USH2A: variants seen among roughly 807,000 people sequenced by gnomAD.
The protein encoded by USH2A is usherin.
Under a neutral mutation model 538.9 loss-of-function variants are expected in USH2A, and 443 were observed. The observed-to-expected ratio is 0.82, with a 90% confidence interval of 0.76 to 0.89. The LOEUF is 0.89. USH2A is among the 40% of genes least tolerant of loss of function. USH2A has a pLI of 0.00. For missense variants in USH2A, 6,633 were observed against 6,324.8 expected, an observed-to-expected ratio of 1.05 and a Z score of -1.65; for synonymous variants, 2,413 against 2,273.5, an observed-to-expected ratio of 1.06 and a Z score of -1.75.
intron 2 of USH2A, among the ~76,000 whole-genome samples, chr1:216,421,487 C>A (rs1571804666): frequency 6.6e-6 from 1 of 152,068 alleles, no homozygotes; most frequent in African/African-American, 2.4e-5. Context: ...TATATAAACC[C>A]AGTTCAAGAT....
At chr1:216,066,096 G>T (rs2031352317) in intron 30 of USH2A, among the ~76,000 whole-genome samples, 2 of 151,880 alleles carry the variant, frequency 1.3e-5, no homozygotes, top group Non-Finnish European at 1.5e-5. Flanking sequence ...CTTGGTGTTG[G>T]CTAGATAAAA....
intron 30 of USH2A, among the ~76,000 whole-genome samples, chr1:216,061,856 A>G (rs563262721): frequency 2.0e-5 from 3 of 152,186 alleles, no homozygotes; most frequent in African/African-American, 7.2e-5. Flanking sequence ...CAGCACTCCT[A>G]CTCTACCAAA....
chr1:216,407,560 A>G (rs1487409917), intron 3 of USH2A, among the ~76,000 whole-genome samples: 1 of 152,162 alleles, frequency 6.6e-6, no homozygotes, highest in Non-Finnish European at 1.5e-5. Context: ...GGAAACAGTA[A>G]GGAAAAATAA....
At chr1:216,145,319 G>A (rs2033674897) in intron 21 of USH2A, among the ~76,000 whole-genome samples, 1 of 152,198 alleles carries the variant, frequency 6.6e-6, no homozygotes, top group African/African-American at 2.4e-5. Context: ...AAGGTACAAA[G>A]GAGGTAGCCA....
At chr1:216,019,608 A>T (rs1369183414) in intron 32 of USH2A, among the ~76,000 whole-genome samples, 1 of 152,186 alleles carries the variant, frequency 6.6e-6, no homozygotes. Context: ...TCTCTACTGT[A>T]TGTCTATTTA....
At chr1:216,006,005 T>A (rs1668382512) in intron 32 of USH2A, among the ~76,000 whole-genome samples, 1 of 152,102 alleles carries the variant, frequency 6.6e-6, no homozygotes, top group African/African-American at 2.4e-5. Flanking sequence ...CCCCATCACA[T>A]CTCCGGTCAC....
intron 11 of USH2A, among the ~76,000 whole-genome samples, chr1:216,270,165 A>G (rs2036548636): frequency 6.6e-6 from 1 of 152,060 alleles, no homozygotes; most frequent in Admixed American, 6.6e-5. Context: ...CTTTCTATGC[A>G]CTCATCTGTC....
intron 3 of USH2A, among the ~76,000 whole-genome samples, chr1:216,416,669 C>A (rs933927584): frequency 1.9e-4 from 29 of 152,232 alleles, no homozygotes; most frequent in African/African-American, 7.0e-4. Flanking sequence ...TCAGTAGGCA[C>A]TCTAAGAGCA....
intron 51 of USH2A, among the ~76,000 whole-genome samples, chr1:215,789,802 C>T (rs1268073745): frequency 2.0e-5 from 3 of 152,086 alleles, no homozygotes; most frequent in Admixed American, 6.6e-5. Context: ...CAGTGGCACA[C>T]AGACTTTCAG....
intron 58 of USH2A, among the ~76,000 whole-genome samples, chr1:215,749,504 CACTATCATAATTTCCAGG>C (rs1466649485): frequency 6.6e-6 from 1 of 152,196 alleles, no homozygotes; most frequent in Non-Finnish European, 1.5e-5. Flanking sequence ...GGGCCCCCTC[CACTATCATAATTTCCAGG>C]ACTGTGACAC....
chr1:216,394,758 G>A (rs1374694664), intron 3 of USH2A, among the ~76,000 whole-genome samples: 2 of 115,212 alleles, frequency 1.7e-5, no homozygotes, highest in East Asian at 2.9e-4. Flanking sequence ...TCGCTCTGTC[G>A]CCCAGGCTGG....
intron 30 of USH2A, among the ~76,000 whole-genome samples, chr1:216,063,755 T>C (rs1447693159): frequency 2.0e-5 from 3 of 152,192 alleles, no homozygotes; most frequent in African/African-American, 4.8e-5. Context: ...CTTAATGTCA[T>C]TGGAATTTTT....
At position 215,908,791 on chromosome 1, in the gene USH2A, T is replaced by A. The variant is rs115116671; in HGVS notation, c.7301-7886A>T. Among the ~76,000 whole-genome samples, 1,371 of 151,880 alleles carry A rather than the reference T, an allele frequency of 9.0e-3. 16 individuals carry two copies. Among genetic ancestry groups the A allele is most frequent in the African/African-American group, 0.031 (1,300 of 41,496 alleles). ...AAAGCTGACATTGATGGATACAGAATGATGCATCTTTAGGGACACTTTTTA... is the reference window on the plus strand; with the variant it reads ...AAAGCTGACATTGATGGATACAGAAAGATGCATCTTTAGGGACACTTTTTA... On this transcript the variant is annotated intron_variant, in intron 38 of 71. Transcript: ENST00000307340.
rs6665759 is a variant in USH2A at position 215,978,900 on chromosome 1, A to G, written c.6806-8124T>C. ...AAAATGACATTTGCCACTGCCTAGA[A>G]GTAAGAAAGTGCAAGGTTCAGTAAA... On this transcript the variant is annotated intron_variant, in intron 35 of 71. Coordinates refer to ENST00000307340, the MANE Select transcript of USH2A (RefSeq NM_206933.4). Among the ~76,000 whole-genome samples, 357 of 152,334 alleles carry G rather than the reference A, an allele frequency of 2.3e-3. 4 individuals are homozygous for G. The highest frequency in any genetic ancestry group is 8.1e-3 in the African/African-American group (337 of 41,578).
At position 216,418,614 on chromosome 1, in the gene USH2A, G is replaced by T. The variant is rs2102783958; in HGVS notation, c.551C>A (p.Thr184Asn). The change falls in exon 3 of 72, where the codon ACC (threonine) becomes AAC (asparagine). Residue 184 changes from threonine to asparagine, a missense_variant. Transcript: ENST00000307340. ...VFKLTISEKE[T>N]MFYYRTVNGL... ...ATTTACTGTGCGATAATAAAACATGGTCTCTTTCTCAGATATTGTAAGTTT... is the reference window on the plus strand; with the variant it reads ...ATTTACTGTGCGATAATAAAACATGTTCTCTTTCTCAGATATTGTAAGTTT... 2 of 1,613,258 alleles carry T rather than the reference G, an allele frequency of 1.2e-6. No individual in the cohort carries two copies. Among genetic ancestry groups the T allele is most frequent in the Non-Finnish European group, 1.7e-6 (2 of 1,179,562 alleles).
At chr1:215,681,184 T>G (rs1658215778) in intron 61 of USH2A, among the ~76,000 whole-genome samples, 1 of 152,170 alleles carries the variant, frequency 6.6e-6, no homozygotes, top group Non-Finnish European at 1.5e-5. Context: ...ATATTTGGCA[T>G]AACTAAACTG....
intron 3 of USH2A, among the ~76,000 whole-genome samples, chr1:216,379,215 AG>A (rs553985493): frequency 1.5e-3 from 232 of 152,254 alleles, no homozygotes; most frequent in Non-Finnish European, 2.3e-3. Context: ...CTGCCCATGG[AG>A]GCTGTAAGCT....
chr1:216,411,449 A>T (rs1356216544), intron 3 of USH2A, among the ~76,000 whole-genome samples: 1 of 152,120 alleles, frequency 6.6e-6, no homozygotes, highest in Admixed American at 6.6e-5. Context: ...AGTCCTACCG[A>T]ATTAGGAAGA....
At chr1:215,916,015 C>T (rs1389771244) in intron 38 of USH2A, among the ~76,000 whole-genome samples, 1 of 126,230 alleles carries the variant, frequency 7.9e-6, no homozygotes, top group Non-Finnish European at 1.6e-5. Context: ...TGAAGGGGAA[C>T]ATCACACTCT....
Sources: allele counts gnomAD v4.1 joint callset (sites outside exome capture counted in the v4.1 genomes callset), GRCh38; gene constraint gnomAD v4.1.1; transcripts MANE v1.5; gene names NCBI Gene and HGNC (gene_info 2026-07-23, HGNC 2026-07-21).